GRIN2D: variants seen among roughly 807,000 people sequenced by gnomAD.
The protein encoded by GRIN2D is glutamate receptor ionotropic, NMDA 2D.
GRIN2D carries 37 observed loss-of-function variants against 103.2 expected under a neutral mutation model. That is an observed-to-expected ratio of 0.36 (90% CI 0.28 to 0.47). The LOEUF (loss-of-function observed/expected upper bound fraction) is 0.47. Ranked by LOEUF, GRIN2D falls within the 20% of genes least tolerant of loss-of-function variation. The pLI is 1.00. For missense variants in GRIN2D, 1,557 were observed against 1,910.6 expected (o/e 0.81, Z 3.45); for synonymous variants, 845 against 885.6 (o/e 0.95, Z 0.81).
In GRIN2D at chr19:48,398,704, C is replaced by T; in HGVS notation, c.312C>T (p.Cys104=). ...SDPRSLVLQL[C]DLLSGLRVHG... ...CGCGCAGCCTCGTGCTGCAGCTCTG[C>T]GACCTGCTGTCGGGGTTGCGCGTGC... The change falls in exon 3 of 14, where the codon TGC becomes TGT. Residue 104 remains cysteine, a synonymous_variant. Transcript: ENST00000263269. The T allele has an allele frequency of 6.8e-7, 1 of 1,465,100 alleles. No individual in the cohort carries two copies. Among genetic ancestry groups the T allele is most frequent in the Non-Finnish European group, 9.0e-7 (1 of 1,113,962 alleles). The allele number at this position is 1,465,100 out of a possible 1,614,324, so 90.8% of individuals were successfully genotyped here. A position where few individuals can be genotyped will look rare whatever the true frequency, so the allele number is the denominator to read the frequency against.
chr19:48,435,036 G>C (rs1299594901), intron 11 of GRIN2D, among the ~76,000 whole-genome samples: 4 of 151,882 alleles, frequency 2.6e-5, no homozygotes, highest in African/African-American at 7.3e-5. Context: ...GGATCCTTTG[G>C]GATTTTTCTA....
Position 48,414,428 on chromosome 19 carries a change from A to G in GRIN2D, c.1256A>G (p.Tyr419Cys), listed in dbSNP as rs1263591694. ...LRLKYPLWSRYGRFLQPVDDT... is the reference protein window; with the variant it reads ...LRLKYPLWSRCGRFLQPVDDT... ...CTCAAGTACCCGCTGTGGTCCCGCT[A>G]TGGTCGCTTCCTGCAGCCAGTGGAC... The change falls in exon 6 of 14, where the codon TAT becomes TGT. Residue 419 changes from tyrosine (Y) to cysteine (C), a missense_variant. Tyr to Cys is a radical substitution (Grantham distance 194). Transcript: ENST00000263269. This position sits in a 1 kb window ranked among gnomAD's most constrained non-coding sequence, Gnocchi z 4.6. 1 of 1,610,214 alleles carries G rather than the reference A, an allele frequency of 6.2e-7. No individual in the cohort carries two copies. The highest frequency in any genetic ancestry group is 8.5e-7 in the Non-Finnish European group (1 of 1,178,468).
chr19:48,401,767 T>C lies in GRIN2D; in HGVS notation c.465+2910T>C, dbSNP rs184057937. Among the ~76,000 whole-genome samples the C allele has an allele frequency of 1.1e-4, 17 of 152,350 alleles. No individual in the cohort carries two copies. In the East Asian group the frequency reaches 3.1e-3, roughly 28 times the overall value. On this transcript the variant is annotated intron_variant, in intron 3 of 13. Transcript: ENST00000263269. ...AATTAATATTTTGAAACAATCACTC[T>C]GGCTGCTGTTTGGAGAATAGACTGG...
rs1970782187 is a variant in GRIN2D, at chr19:48,405,572, T to A, written c.1085+219T>A. ...TGAGTGTATTACTATATTTCATGACTCTAAGATGCATAATGTTTCACATTT... is the reference window on the plus strand; with the variant it reads ...TGAGTGTATTACTATATTTCATGACACTAAGATGCATAATGTTTCACATTT... On this transcript the variant is annotated intron_variant, in intron 4 of 13. Transcript: ENST00000263269. The surrounding 1 kb of genome is among the most constrained non-coding windows in gnomAD (Gnocchi z 5.1). Among the ~76,000 whole-genome samples, 5 of 152,260 alleles carry A rather than the reference T, an allele frequency of 3.3e-5. No homozygotes were observed. Among genetic ancestry groups the A allele is most frequent in the Non-Finnish European group, 5.9e-5 (4 of 68,048 alleles).
In GRIN2D at chr19:48,443,019, C is replaced by A; in HGVS notation, c.3093C>A (p.Pro1031=). The A allele has an allele frequency of 9.4e-7, 1 of 1,064,646 alleles. No individual in the cohort carries two copies. Among genetic ancestry groups the A allele is most frequent in the Non-Finnish European group, 1.1e-6 (1 of 884,040 alleles). The allele number at this position is 1,064,646 out of a possible 1,614,324, so 65.9% of individuals were successfully genotyped here. The change falls in exon 14 of 14, where the codon CCC becomes CCA. Residue 1031 remains proline (P), a synonymous_variant. Transcript: ENST00000263269. This position sits in a 1 kb window ranked among gnomAD's most constrained non-coding sequence, Gnocchi z 8.9. ...AGAFPGFPSP[P]APPAAAATAV... ...CCTTCCCCGGCTTCCCGTCGCCGCC[C>A]GCGCCCCCCGCCGCCGCGGCCACCG...
chr19:48,399,273 A>G (rs915791387), intron 3 of GRIN2D, among the ~76,000 whole-genome samples: 2 of 152,174 alleles, frequency 1.3e-5, no homozygotes, highest in South Asian at 4.1e-4. Flanking sequence ...AAGTCAGTTG[A>G]AAAGGAATGG....
At chr19:48,428,125 C>G (rs1828823437) in intron 11 of GRIN2D, among the ~76,000 whole-genome samples, 1 of 150,968 alleles carries the variant, frequency 6.6e-6, no homozygotes, top group Admixed American at 6.6e-5. Flanking sequence ...CAACCTCTGC[C>G]CTCTGGGTTC....
In GRIN2D at chr19:48,405,794, T is replaced by C. The variant is rs998126781; in HGVS notation, c.1085+441T>C. 3.9e-5 allele frequency among the ~76,000 whole-genome samples: 6 copies of C among 152,166 alleles called. No individual in the cohort carries two copies. Among genetic ancestry groups the C allele is most frequent in the African/African-American group, 1.4e-4 (6 of 41,442 alleles). On this transcript the variant is annotated intron_variant, in intron 4 of 13. Coordinates refer to ENST00000263269, the MANE Select transcript of GRIN2D (RefSeq NM_000836.4). The surrounding 1 kb of genome is among the most constrained non-coding windows in gnomAD (Gnocchi z 5.1). ...GTGGCCCAGATGAGGTCGAAGTTTGTTCCTCTCTCACGTAACAACCCTGAT... is the reference window on the plus strand; with the variant it reads ...GTGGCCCAGATGAGGTCGAAGTTTGCTCCTCTCTCACGTAACAACCCTGAT...
chr19:48,432,925 G>GGA (rs1405297092), intron 11 of GRIN2D, among the ~76,000 whole-genome samples: 4 of 150,946 alleles, frequency 2.6e-5, no homozygotes, highest in Non-Finnish European at 4.4e-5. Flanking sequence ...CGAGTAGCTG[G>GGA]TTCTACAGGC....
intron 11 of GRIN2D, among the ~76,000 whole-genome samples, chr19:48,429,941 C>T (rs1971135752): frequency 6.6e-6 from 1 of 152,132 alleles, no homozygotes; most frequent in Admixed American, 6.6e-5. Flanking sequence ...TTTATTGTAT[C>T]ACTTTGTGAT....
chr19:48,429,683 G>C (rs531967155), intron 11 of GRIN2D, among the ~76,000 whole-genome samples: 39 of 152,050 alleles, frequency 2.6e-4, no homozygotes, highest in African/African-American at 9.4e-4. Context: ...ACAGGCATGA[G>C]CCACCGGGCC....
Position 48,443,836 on chromosome 19 carries a change from G to T in GRIN2D, c.3910G>T (p.Gly1304Trp). The change falls in exon 14 of 14, where the codon GGG becomes TGG. Residue 1304 changes from glycine to tryptophan, a missense_variant. Physicochemically the swap from Gly to Trp is radical, Grantham distance 184 (BLOSUM62 -2). This residue lies in a region of GRIN2D where 88 missense variants were observed against 84.3 expected (regional missense o/e 1.04). Coordinates refer to ENST00000263269, the MANE Select transcript of GRIN2D (RefSeq NM_000836.4). This position sits in a 1 kb window ranked among gnomAD's most constrained non-coding sequence, Gnocchi z 8.9. Reference sequence around the variant, plus strand: ...CAGGTGTCCGCACGCCGCGCACTGGGGGCCGCCGCTGCCCACAGCTTCCCA... The same window carrying T: ...CAGGTGTCCGCACGCCGCGCACTGGTGGCCGCCGCTGCCCACAGCTTCCCA... ...ARRCPHAAHW[G>W]PPLPTASHRR... 1 of 1,484,888 alleles carries T rather than the reference G, an allele frequency of 6.7e-7. No homozygotes were observed. The highest frequency in any genetic ancestry group is 2.9e-5 in the East Asian group (1 of 34,192). 92.0% of individuals were successfully genotyped at this position (1,484,888 alleles called of 1,614,324 possible). A position where few individuals can be genotyped will look rare whatever the true frequency, so the allele number is the denominator to read the frequency against.
At chr19:48,437,858 A>C (rs182683042) in intron 11 of GRIN2D, among the ~76,000 whole-genome samples, 41 of 152,284 alleles carry the variant, frequency 2.7e-4, no homozygotes, top group African/African-American at 9.4e-4. Flanking sequence ...TCTCGCCTAT[A>C]CTTATATTCC....
chr19:48,414,056 A>AC lies in GRIN2D; in HGVS notation c.1155dup (p.Ser386LeufsTer258). ...TTCAATGAGGACGGCTTCCTAGTGAACCCCTCCCTGGTGGTCATCTCCCTC... is the reference window on the plus strand; with the variant it reads ...TTCAATGAGGACGGCTTCCTAGTGAACCCCCTCCCTGGTGGTCATCTCCCTC... On this transcript the variant is annotated frameshift_variant, in exon 5 of 14. Coordinates refer to ENST00000263269, the MANE Select transcript of GRIN2D (RefSeq NM_000836.4). LOFTEE classifies it high-confidence loss of function. The surrounding 1 kb of genome is among the most constrained non-coding windows in gnomAD (Gnocchi z 4.6). 2 of 1,612,692 alleles carry AC rather than the reference A, an allele frequency of 1.2e-6. No individual in the cohort carries two copies. Among genetic ancestry groups the AC allele is most frequent in the Non-Finnish European group, 1.7e-6 (2 of 1,179,146 alleles).
At chr19:48,401,256 AG>A (rs879634908) in intron 3 of GRIN2D, among the ~76,000 whole-genome samples, 47 of 151,064 alleles carry the variant, frequency 3.1e-4, no homozygotes, top group South Asian at 2.1e-3. Flanking sequence ...ACAGTTCTAG[AG>A]GGGGGGGGAA....
At chr19:48,440,997 CT>C (rs1278488979) in intron 11 of GRIN2D, among the ~76,000 whole-genome samples, 1 of 152,104 alleles carries the variant, frequency 6.6e-6, no homozygotes, top group East Asian at 1.9e-4. Flanking sequence ...TCTCAATCCT[CT>C]TTTTTAAAAT....
In GRIN2D at chr19:48,442,530, G is replaced by A. The variant is rs1454494358; in HGVS notation, c.2674-70G>A. 3 of 1,479,410 alleles carry A rather than the reference G, an allele frequency of 2.0e-6. No homozygotes were observed. Among genetic ancestry groups the A allele is most frequent in the Non-Finnish European group, 2.7e-6 (3 of 1,119,012 alleles). The allele number at this position is 1,479,410 out of a possible 1,614,324, so 91.6% of individuals were successfully genotyped here. ...AGGCGGGTAAATGGAGAGGAGAGAG[G>A]GACTGAGGGGAGGCGGGCAGGCGTC... On this transcript the variant is annotated intron_variant, in intron 13 of 13. Coordinates refer to ENST00000263269, the MANE Select transcript of GRIN2D (RefSeq NM_000836.4). This position sits in a 1 kb window ranked among gnomAD's most constrained non-coding sequence, Gnocchi z 7.2.
chr19:48,420,951 G>A (rs1042322598), intron 10 of GRIN2D, among the ~76,000 whole-genome samples: 3 of 152,148 alleles, frequency 2.0e-5, no homozygotes, highest in Non-Finnish European at 2.9e-5. Flanking sequence ...TGCAATCACC[G>A]TTTGTTGAGG....
chr19:48,400,616 C>G (rs1388632784), intron 3 of GRIN2D, among the ~76,000 whole-genome samples: 2 of 152,184 alleles, frequency 1.3e-5, no homozygotes, highest in African/African-American at 4.8e-5. Flanking sequence ...AGTGTACGCC[C>G]ATAGCATTCT....
Sources: gnomAD v4.1 joint callset for allele counts (sites outside exome capture counted in the v4.1 genomes callset) on GRCh38, gnomAD v4.1.1 for gene constraint, gnomAD v4.1.1 regional missense constraint, Gnocchi (gnomAD v3.1) non-coding constraint, MANE v1.5 for transcripts, NCBI Gene and HGNC (gene_info 2026-07-23, HGNC 2026-07-21) for gene names.